Variants in SORT1 observed in about 807,000 individuals in gnomAD.
SORT1 encodes the protein sortilin.
Under a neutral mutation model 101.7 loss-of-function variants are expected in SORT1, and 39 were observed. That is an observed-to-expected ratio of 0.38 (90% CI 0.30 to 0.50). SORT1 has a LOEUF of 0.50. Ranked by LOEUF, SORT1 falls within the 20% of genes least tolerant of loss-of-function variation. SORT1 has a pLI of 0.90. For missense variants in SORT1, 878 were observed against 1,040.4 expected (o/e 0.84, Z 2.15); for synonymous variants, 396 against 393.7 (o/e 1.01, Z -0.07).
In SORT1 at chr1:109,310,471, C is replaced by T. The variant is rs531335048; in HGVS notation, c.*3572G>A. On this transcript the variant is annotated 3_prime_UTR_variant, in exon 20 of 20. Coordinates refer to ENST00000256637, the MANE Select transcript of SORT1 (RefSeq NM_002959.7). ...CTGGCACCTGCTGACTCCGGCCCTC[C>T]CTGTCACTTCATCACACAGCAAATC... is the stretch of plus-strand genomic sequence containing the variant. The T allele has an allele frequency of 8.4e-4, 132 of 156,330 alleles. 1 individual carries two copies. The highest frequency in any genetic ancestry group is 1.4e-3 in the Non-Finnish European group (97 of 68,056). 9.7% of individuals were successfully genotyped at this position (156,330 alleles called of 1,614,324 possible).
At chr1:109,327,724 T>A in intron 11 of SORT1, 123 bp from the exon 12 acceptor site, 1 of 533,144 alleles carries the variant, frequency 1.9e-6, no homozygotes, top group Non-Finnish European at 3.3e-6. Context: ...AGTACTATCT[T>A]AACTATTTAT....
Position 109,397,807 on chromosome 1 carries a change from G to T in SORT1, c.86C>A (p.Pro29Gln), listed in dbSNP as rs1392655826. 7.8e-7 allele frequency: 1 copy of T among 1,277,792 alleles called. No homozygotes were observed. The highest frequency in any genetic ancestry group is 1.0e-6 in the Non-Finnish European group (1 of 1,004,330). 79.2% of individuals were successfully genotyped at this position (1,277,792 alleles called of 1,614,324 possible). A position where few individuals can be genotyped will look rare whatever the true frequency, so the allele number is the denominator to read the frequency against. ...GLLLLLQLLP[P>Q]STLSQDRLDA... The stretch of plus-strand genomic sequence containing the variant: ...CAGCCGGTCCTGGCTGAGGGTCGAC[G>T]GCGGCAGCAGCTGCAGGAGGAGGAG... The change falls in exon 1 of 20, where the codon CCG becomes CAG. Residue 29 changes from proline (P) to glutamine (Q), a missense_variant. Physicochemically the swap from Pro to Gln is moderately conservative, Grantham distance 76. Transcript: ENST00000256637.
At position 109,370,987 on chromosome 1, in the gene SORT1, G is replaced by A. The variant is rs914927034; in HGVS notation, c.307-1398C>T. Among the ~76,000 whole-genome samples the A allele has an allele frequency of 2.0e-5, 3 of 152,168 alleles. No individual in the cohort carries two copies. The East Asian group carries it at 5.8e-4, about 29-fold the overall frequency. ...AACATGAACTGTTTTGTTTATCTTCGAATTTTCTCTTGCAGTCTTGAATGG... is the reference window on the plus strand; with the variant it reads ...AACATGAACTGTTTTGTTTATCTTCAAATTTTCTCTTGCAGTCTTGAATGG... On this transcript the variant is annotated intron_variant, in intron 1 of 19. Coordinates refer to ENST00000256637, the MANE Select transcript of SORT1 (RefSeq NM_002959.7).
chr1:109,376,792 C>A (rs1651886290), intron 1 of SORT1, among the ~76,000 whole-genome samples: 1 of 152,192 alleles, frequency 6.6e-6, no homozygotes, highest in South Asian at 2.1e-4. Flanking sequence ...ACTATGTTCA[C>A]TACCTGAGTG....
intron 6 of SORT1, 113 bp from the exon 7 acceptor site, chr1:109,347,645 A>T (rs1649689398): frequency 1.4e-6 from 1 of 702,544 alleles, no homozygotes; most frequent in African/African-American, 1.8e-5. Flanking sequence ...ACAGGCACTG[A>T]CAAGCACCAC....
chr1:109,336,369 T>A, intron 10 of SORT1, 23 bp from the exon 11 acceptor site: 1 of 1,411,176 alleles, frequency 7.1e-7, no homozygotes, highest in Non-Finnish European at 1.0e-6. Context: ...AGAACAACAT[T>A]AAGTCTGATA....
At chr1:109,397,550 C>A in intron 1 of SORT1, 37 bp downstream of exon 1, 1 of 1,134,374 alleles carries the variant, frequency 8.8e-7, no homozygotes. Flanking sequence ...GGCGGCACCT[C>A]GCACCCGAGC....
chr1:109,386,669 AT>A (rs1454194855), intron 1 of SORT1, among the ~76,000 whole-genome samples: 4 of 152,222 alleles, frequency 2.6e-5, no homozygotes, highest in Non-Finnish European at 4.4e-5. Context: ...CCTAGGCAGC[AT>A]AGTAAGACCT....
intron 5 of SORT1, among the ~76,000 whole-genome samples, chr1:109,353,346 A>AAAC (rs1557804605): frequency 5.8e-5 from 8 of 138,570 alleles, no homozygotes; most frequent in East Asian, 2.1e-4. Flanking sequence ...AAAAAAAAAA[A>AAAC]AAAAACAAAA....
At chr1:109,333,726 T>C (rs920898289) in intron 11 of SORT1, among the ~76,000 whole-genome samples, 1 of 152,180 alleles carries the variant, frequency 6.6e-6, no homozygotes, top group Admixed American at 6.5e-5. Flanking sequence ...TTAGAATGGC[T>C]ATTATCAAAG....
chr1:109,345,670 C>A, intron 8 of SORT1, 81 bp downstream of exon 8: 1 of 1,334,308 alleles, frequency 7.5e-7, no homozygotes, highest in South Asian at 1.4e-5. Context: ...GAAACTCTGT[C>A]AATGCCAAGT....
At chr1:109,346,185 C>T (rs1473377251) in intron 7 of SORT1, among the ~76,000 whole-genome samples, 7 of 151,460 alleles carry the variant, frequency 4.6e-5, no homozygotes, top group Admixed American at 3.3e-4. Context: ...TGGTGGTGGG[C>T]GCCTGTAGTC....
At position 109,380,209 on chromosome 1, in the gene SORT1, C is replaced by T. The variant is rs1257577985; in HGVS notation, c.307-10620G>A. ...TCAGGAGGTTGAGGTGGGAGGATTGCTTGAGCCTGGGAGTTCGAGGCTGTA... is the reference window on the plus strand; with the variant it reads ...TCAGGAGGTTGAGGTGGGAGGATTGTTTGAGCCTGGGAGTTCGAGGCTGTA... On this transcript the variant is annotated intron_variant, in intron 1 of 19. Transcript: ENST00000256637. Among the ~76,000 whole-genome samples, 4 of 152,064 alleles carry T rather than the reference C, an allele frequency of 2.6e-5. 1 individual carries two copies.
At chr1:109,357,305 T>A (rs1650388476) in intron 3 of SORT1, among the ~76,000 whole-genome samples, 1 of 152,266 alleles carries the variant, frequency 6.6e-6, no homozygotes. Flanking sequence ...GCAGAATGTA[T>A]CCCCATCATT....
chr1:109,337,709 C>CGATT (rs1349710439), intron 10 of SORT1, among the ~76,000 whole-genome samples: 1 of 152,130 alleles, frequency 6.6e-6, no homozygotes, highest in Non-Finnish European at 1.5e-5. Flanking sequence ...CTCACTGCAA[C>CGATT]CTCTGCCTCC....
chr1:109,342,444 A>C (rs1649293079), intron 8 of SORT1, among the ~76,000 whole-genome samples: 1 of 152,204 alleles, frequency 6.6e-6, no homozygotes, highest in African/African-American at 2.4e-5. Flanking sequence ...GGTCTCTGAT[A>C]GTCCACCTCC....
chr1:109,346,717 C>A (rs747168683), intron 7 of SORT1, among the ~76,000 whole-genome samples: 1 of 148,048 alleles, frequency 6.8e-6, no homozygotes, highest in Middle Eastern at 3.6e-3. Flanking sequence ...TGCACTCCAG[C>A]CTGGGCGACA....
intron 1 of SORT1, among the ~76,000 whole-genome samples, chr1:109,370,702 C>A (rs1489267137): frequency 1.3e-5 from 2 of 152,134 alleles, no homozygotes; most frequent in African/African-American, 4.8e-5. Flanking sequence ...ATTTTAAAAT[C>A]TTAAACATGC....
intron 18 of SORT1, 105 bp downstream of exon 18, chr1:109,314,567 G>T (rs1182198528): frequency 1.9e-6 from 2 of 1,067,912 alleles, no homozygotes; most frequent in Non-Finnish European, 2.8e-6. Context: ...TTCAGGAACA[G>T]TACTGCAAGT....
Sources: gnomAD v4.1 joint callset for allele counts (sites outside exome capture counted in the v4.1 genomes callset) on GRCh38, gnomAD v4.1.1 for gene constraint, MANE v1.5 for transcripts, NCBI Gene and HGNC (gene_info 2026-07-23, HGNC 2026-07-21) for gene names.